GRIN2B: variants seen among roughly 807,000 people sequenced by gnomAD.
The protein encoded by GRIN2B is glutamate ionotropic receptor NMDA type subunit 2B.
GRIN2B carries 5 observed loss-of-function variants against 114.5 expected under a neutral mutation model. The observed-to-expected ratio is 0.04, with a 90% CI of 0.02 to 0.09. GRIN2B has a LOEUF of 0.09. GRIN2B is among the 10% of genes least tolerant of loss of function. The pLI, the probability that GRIN2B is intolerant of heterozygous loss-of-function variation, is 1.00. For missense variants in GRIN2B, 1,108 were observed against 1,943.5 expected (o/e 0.57, Z 8.08); for synonymous variants, 787 against 745.1 (o/e 1.06, Z -0.92).
chr12:13,640,818 G>A (rs1430179118), intron 5 of GRIN2B, among the ~76,000 whole-genome samples: 4 of 152,020 alleles, frequency 2.6e-5, no homozygotes, highest in Non-Finnish European at 5.9e-5. Flanking sequence ...GAGTAGGTAA[G>A]GACAGCACTC....
Position 13,564,292 on chromosome 12 carries a change from T to C in GRIN2B, c.2946A>G (p.Gln982=), listed in dbSNP as rs758533546. Residue 982 remains glutamine, a synonymous_variant, in exon 14 of 14, where the codon CAA becomes CAG. Coordinates refer to ENST00000609686, the MANE Select transcript of GRIN2B (RefSeq NM_000834.5). The surrounding 1 kb of genome is among the most constrained non-coding windows in gnomAD (Gnocchi z 4.8). ...NLQLKDSNVY[Q]DHYHHHHRPH... ...GCCGGTGGTGATGGTGGTAGTGATC[T>C]TGGTACACGTTGCTGTCCTTCAGCT... The C allele has an allele frequency of 3.7e-6, 6 of 1,614,062 alleles. No individual in the cohort carries two copies. In the African/African-American group the frequency reaches 8.0e-5, roughly 22 times the overall value.
At chr12:13,631,914 G>T (rs532096976) in intron 5 of GRIN2B, among the ~76,000 whole-genome samples, 10 of 152,286 alleles carry the variant, frequency 6.6e-5, no homozygotes, top group East Asian at 3.9e-4. Flanking sequence ...CTCAGATGAG[G>T]CAGAAAAGGC....
intron 2 of GRIN2B, among the ~76,000 whole-genome samples, chr12:13,952,814 CA>C (rs1201975224): frequency 6.6e-6 from 1 of 151,782 alleles, no homozygotes; most frequent in African/African-American, 2.4e-5. Context: ...ATGAACACAA[CA>C]TATTAGACAG....
intron 4 of GRIN2B, among the ~76,000 whole-genome samples, chr12:13,680,692 T>G (rs1056021375): frequency 1.3e-5 from 2 of 152,078 alleles, no homozygotes; most frequent in Non-Finnish European, 2.9e-5. Context: ...GACCTGCCTG[T>G]TCAGGACTGG....
chr12:13,880,242 A>G (rs1038768284), intron 2 of GRIN2B, among the ~76,000 whole-genome samples: 11 of 152,214 alleles, frequency 7.2e-5, no homozygotes, highest in African/African-American at 2.4e-4. Flanking sequence ...AAAGGAGCCA[A>G]AATACAAAAA....
chr12:13,721,602 G>A (rs1163723242), intron 4 of GRIN2B, among the ~76,000 whole-genome samples: 3 of 151,976 alleles, frequency 2.0e-5, no homozygotes, highest in African/African-American at 7.2e-5. Context: ...TTTGAAAAAG[G>A]AAAAAAGTTA....
At chr12:13,974,712 G>A (rs561790974) in intron 2 of GRIN2B, among the ~76,000 whole-genome samples, 2 of 151,848 alleles carry the variant, frequency 1.3e-5, no homozygotes, top group South Asian at 4.2e-4. Flanking sequence ...CTTTATACAT[G>A]TCCACACCAC....
At chr12:13,807,522 C>G (rs1207788171) in intron 3 of GRIN2B, among the ~76,000 whole-genome samples, 1 of 151,990 alleles carries the variant, frequency 6.6e-6, no homozygotes, top group Non-Finnish European at 1.5e-5. Flanking sequence ...TAGGCAAAGG[C>G]AGAATCTCAC....
chr12:13,881,000 G>A (rs2136764589), intron 2 of GRIN2B, among the ~76,000 whole-genome samples: 1 of 148,964 alleles, frequency 6.7e-6, no homozygotes, highest in Non-Finnish European at 1.5e-5. Context: ...AAGGTTGTGT[G>A]TGTGTGTGTG....
chr12:13,761,085 C>T (rs1863673176), intron 3 of GRIN2B, among the ~76,000 whole-genome samples: 1 of 152,126 alleles, frequency 6.6e-6, no homozygotes, highest in African/African-American at 2.4e-5. Flanking sequence ...ATCTTTCCTG[C>T]CTGTTAAATG....
At chr12:13,735,866 T>C (rs960804126) in intron 4 of GRIN2B, among the ~76,000 whole-genome samples, 1 of 151,010 alleles carries the variant, frequency 6.6e-6, no homozygotes, top group African/African-American at 2.4e-5. Flanking sequence ...GTAGGATCCT[T>C]TCCCAGGGTT....
At chr12:13,771,713 G>T (rs937078369) in intron 3 of GRIN2B, among the ~76,000 whole-genome samples, 3 of 152,240 alleles carry the variant, frequency 2.0e-5, no homozygotes, top group Non-Finnish European at 4.4e-5. Flanking sequence ...CATTAAGTGT[G>T]AATCTATTGA....
At chr12:13,946,195 T>C (rs929384318) in intron 2 of GRIN2B, among the ~76,000 whole-genome samples, 25 of 152,174 alleles carry the variant, frequency 1.6e-4, no homozygotes, top group African/African-American at 6.0e-4. Flanking sequence ...CTTAAAAATT[T>C]GTTTTAAGCT....
At chr12:13,605,090 A>AGTTGTTTTTGCCAGGGGCTC (rs1565472178) in intron 10 of GRIN2B, among the ~76,000 whole-genome samples, 1 of 151,340 alleles carries the variant, frequency 6.6e-6, no homozygotes, top group Admixed American at 6.6e-5. Flanking sequence ...TTTTGTCTTA[A>AGTTGTTTTTGCCAGGGGCTC]TGATGAACAA....
chr12:13,712,130 G>A (rs1185857447), intron 4 of GRIN2B, among the ~76,000 whole-genome samples: 1 of 150,880 alleles, frequency 6.6e-6, no homozygotes, highest in African/African-American at 2.4e-5. Context: ...TCACAAGGAC[G>A]GAAAAACCAA....
intron 3 of GRIN2B, among the ~76,000 whole-genome samples, chr12:13,856,483 T>C (rs578201332): frequency 1.2e-4 from 18 of 151,738 alleles, no homozygotes; most frequent in African/African-American, 4.4e-4. Flanking sequence ...GTGTATGGAG[T>C]TGAGGGGACA....
chr12:13,756,035 C>A (rs531079474), intron 3 of GRIN2B, among the ~76,000 whole-genome samples: 4 of 148,530 alleles, frequency 2.7e-5, no homozygotes, highest in African/African-American at 1.0e-4. Context: ...TCTTTTTTAT[C>A]CCCCCAGAGT....
chr12:13,843,715 A>T (rs1865425645), intron 3 of GRIN2B, among the ~76,000 whole-genome samples: 1 of 152,214 alleles, frequency 6.6e-6, no homozygotes, highest in Admixed American at 6.5e-5. Flanking sequence ...AGGCATTTTT[A>T]AAAATATTAG....
chr12:13,758,498 TA>T (rs1391093204), intron 3 of GRIN2B, among the ~76,000 whole-genome samples: 1 of 152,206 alleles, frequency 6.6e-6, no homozygotes, highest in Non-Finnish European at 1.5e-5. Context: ...GTAGAAATAT[TA>T]AAAGGCATTA....
Sources: allele counts gnomAD v4.1 joint callset (sites outside exome capture counted in the v4.1 genomes callset), GRCh38; gene constraint gnomAD v4.1.1; non-coding constraint Gnocchi (gnomAD v3.1); transcripts MANE v1.5; gene names NCBI Gene and HGNC (gene_info 2026-07-23, HGNC 2026-07-21).